KCNIP4: variants seen among roughly 807,000 people sequenced by gnomAD.
KCNIP4 encodes Kv channel-interacting protein 4.
KCNIP4 carries 12 observed loss-of-function variants against 34.0 expected under a neutral mutation model. That is an observed-to-expected ratio of 0.35 (90% CI 0.23 to 0.57). KCNIP4 has a LOEUF of 0.57. Among genes scored for constraint, KCNIP4 ranks in the 20% least tolerant of loss-of-function variants. The pLI, the probability that KCNIP4 is intolerant of heterozygous loss-of-function variation, is 0.83. For synonymous variants in KCNIP4, 124 were observed against 102.2 expected (o/e 1.21, Z -1.29); for missense variants, 238 against 311.7 (o/e 0.76, Z 1.78).
intron 1 of KCNIP4, among the ~76,000 whole-genome samples, chr4:21,507,674 G>T (rs1015472499): frequency 6.6e-6 from 1 of 152,162 alleles, no homozygotes; most frequent in Non-Finnish European, 1.5e-5. Context: ...TAGAGGAAAA[G>T]TTCTTAAAAT....
intron 1 of KCNIP4, among the ~76,000 whole-genome samples, chr4:21,319,009 A>G (rs1229868304): frequency 6.6e-6 from 1 of 152,226 alleles, no homozygotes; most frequent in East Asian, 1.9e-4. Context: ...AGAATGAGGA[A>G]CAACTCTAAG....
Position 20,849,298 on chromosome 4 carries a change from G to A in KCNIP4, c.288+1245C>T, listed in dbSNP as rs1720748157. Among the ~76,000 whole-genome samples, 3 of 152,078 alleles carry A rather than the reference G, an allele frequency of 2.0e-5. No individual in the cohort carries two copies. The South Asian group carries it at 6.2e-4, about 32-fold the overall frequency. ...AAATTTACTCTGCATAATAGAGGGA[G>A]AAAAACTTAGAAAGCCCAGGGCAAG... On this transcript the variant is annotated intron_variant, in intron 3 of 8. Transcript: ENST00000382152.
intron 1 of KCNIP4, among the ~76,000 whole-genome samples, chr4:21,257,643 G>T (rs1834347): frequency 2.2e-4 from 33 of 151,636 alleles, no homozygotes; most frequent in African/African-American, 8.0e-4. Flanking sequence ...CCAGCTACTC[G>T]GGAGGCTGAG....
chr4:20,997,968 CA>C (rs1313055270), intron 1 of KCNIP4, among the ~76,000 whole-genome samples: 2 of 152,098 alleles, frequency 1.3e-5, no homozygotes, highest in Non-Finnish European at 2.9e-5. Flanking sequence ...GAGAAACCAT[CA>C]GGTAATCCAG....
At position 21,082,667 on chromosome 4, in the gene KCNIP4, A is replaced by G. The variant is rs1019511537; in HGVS notation, c.62-199958T>C. 9.2e-5 allele frequency among the ~76,000 whole-genome samples: 14 copies of G among 151,846 alleles called. 1 individual carries two copies. Among genetic ancestry groups the G allele is most frequent in the African/African-American group, 3.2e-4 (13 of 41,194 alleles). The stretch of plus-strand genomic sequence containing the variant: ...AAAAAAAACTTGTTACCTAAGGGCA[A>G]TATCAGAAATGATGAGAAATGAGAT... On this transcript the variant is annotated intron_variant, in intron 1 of 8. Transcript: ENST00000382152.
intron 3 of KCNIP4, among the ~76,000 whole-genome samples, chr4:20,800,058 A>G (rs540577969): frequency 6.6e-6 from 1 of 152,320 alleles, no homozygotes; most frequent in African/African-American, 2.4e-5. Context: ...ACTGTGGGGG[A>G]AGATAAGAAC....
At chr4:20,948,043 G>T (rs1732380789) in intron 1 of KCNIP4, among the ~76,000 whole-genome samples, 2 of 152,158 alleles carry the variant, frequency 1.3e-5, no homozygotes. Flanking sequence ...GCCAACGAGG[G>T]GATACAGTCA....
intron 1 of KCNIP4, among the ~76,000 whole-genome samples, chr4:21,607,567 C>T (rs1743805704): frequency 6.6e-6 from 1 of 151,702 alleles, no homozygotes; most frequent in Admixed American, 6.6e-5. Context: ...AGAAAGCACC[C>T]GATTTGATCC....
In KCNIP4 at chr4:21,356,377, G is replaced by T. The variant is rs375124670; in HGVS notation, c.62-473668C>A. Among the ~76,000 whole-genome samples, 28 of 152,240 alleles carry T rather than the reference G, an allele frequency of 1.8e-4. No homozygotes were observed. In the East Asian group the frequency reaches 1.9e-3, roughly 11 times the overall value. The stretch of plus-strand genomic sequence containing the variant: ...AATTAGGAAAAGAGGAAGTCAAATT[G>T]TCCCTGTTTGCAGATGCACGATTGC... On this transcript the variant is annotated intron_variant, in intron 1 of 8. Coordinates refer to ENST00000382152, the MANE Select transcript of KCNIP4 (RefSeq NM_025221.6).
At chr4:21,602,366 C>T (rs373261548) in intron 1 of KCNIP4, among the ~76,000 whole-genome samples, 7 of 152,210 alleles carry the variant, frequency 4.6e-5, no homozygotes, top group African/African-American at 1.2e-4. Context: ...GCATATAACA[C>T]GGTTCTCCAG....
intron 1 of KCNIP4, among the ~76,000 whole-genome samples, chr4:21,873,448 T>C (rs891573941): frequency 6.6e-5 from 10 of 152,182 alleles, no homozygotes; most frequent in African/African-American, 1.7e-4. Context: ...AAAACAGTAT[T>C]ATCAGTCCAT....
At chr4:21,712,714 T>C (rs955959548) in intron 1 of KCNIP4, among the ~76,000 whole-genome samples, 1 of 152,146 alleles carries the variant, frequency 6.6e-6, no homozygotes, top group Non-Finnish European at 1.5e-5. Context: ...ACCTATAGCA[T>C]AGATCAATGC....
At chr4:21,541,333 C>T (rs1315096910) in intron 1 of KCNIP4, among the ~76,000 whole-genome samples, 6 of 152,116 alleles carry the variant, frequency 3.9e-5, no homozygotes, top group Non-Finnish European at 8.8e-5. Context: ...GTGCTTCAGC[C>T]TTATCCCAAT....
chr4:21,352,272 G>T (rs1205216974), intron 1 of KCNIP4, among the ~76,000 whole-genome samples: 1 of 152,186 alleles, frequency 6.6e-6, no homozygotes, highest in Non-Finnish European at 1.5e-5. Context: ...CATTGGGACT[G>T]GTTGGACAGT....
chr4:20,956,984 G>C (rs1733376292), intron 1 of KCNIP4, among the ~76,000 whole-genome samples: 1 of 151,992 alleles, frequency 6.6e-6, no homozygotes, highest in African/African-American at 2.4e-5. Context: ...AGTTTGATTA[G>C]TAGTGTTACA....
At chr4:21,808,912 T>C (rs1046508186) in intron 1 of KCNIP4, among the ~76,000 whole-genome samples, 5 of 152,138 alleles carry the variant, frequency 3.3e-5, no homozygotes, top group Admixed American at 1.3e-4. Context: ...CTCTCCAAGA[T>C]GGAGAATTCC....
intron 1 of KCNIP4, among the ~76,000 whole-genome samples, chr4:21,542,198 A>G (rs910522578): frequency 2.6e-5 from 4 of 151,912 alleles, no homozygotes; most frequent in African/African-American, 7.3e-5. Flanking sequence ...CTACCACCCA[A>G]TGTGCCAACT....
chr4:21,729,215 G>C (rs1715413493), intron 1 of KCNIP4, among the ~76,000 whole-genome samples: 1 of 151,948 alleles, frequency 6.6e-6, no homozygotes, highest in African/African-American at 2.4e-5. Context: ...AATCATTTGG[G>C]GTCTAGGTTG....
At chr4:21,752,307 C>T (rs1717202831) in intron 1 of KCNIP4, among the ~76,000 whole-genome samples, 1 of 152,086 alleles carries the variant, frequency 6.6e-6, no homozygotes, top group Non-Finnish European at 1.5e-5. Flanking sequence ...CCTCAGGAAA[C>T]TTACAATCAT....
Sources: gnomAD v4.1 joint callset for allele counts (sites outside exome capture counted in the v4.1 genomes callset) on GRCh38, gnomAD v4.1.1 for gene constraint, MANE v1.5 for transcripts, NCBI Gene and HGNC (gene_info 2026-07-23, HGNC 2026-07-21) for gene names.